Variants in KCTD3 observed in about 807,000 individuals in gnomAD.
KCTD3 encodes potassium channel tetramerization domain containing 3.
Under a neutral mutation model 85.8 loss-of-function variants are expected in KCTD3, and 41 were observed. The ratio of observed to expected loss-of-function variants is 0.48; its 90% CI spans 0.37 to 0.62. The LOEUF (loss-of-function observed/expected upper bound fraction) is 0.62. Ranked by LOEUF, KCTD3 falls within the 20% of genes least tolerant of loss-of-function variation. KCTD3 has a pLI of 0.00. For missense variants in KCTD3, 724 were observed against 989.9 expected (o/e 0.73, Z 3.60); for synonymous variants, 338 against 345.4 (o/e 0.98, Z 0.24).
intron 10 of KCTD3, among the ~76,000 whole-genome samples, chr1:215,597,607 G>A (rs185314141): frequency 6.6e-6 from 1 of 152,270 alleles, no homozygotes; most frequent in African/African-American, 2.4e-5. Flanking sequence ...TGATAGCCTA[G>A]CCTCTAAATA....
chr1:215,589,307 C>T (rs1021103297), intron 9 of KCTD3, among the ~76,000 whole-genome samples: 1 of 151,968 alleles, frequency 6.6e-6, no homozygotes, highest in Non-Finnish European at 1.5e-5. Context: ...CCACGCCTGG[C>T]TATTATTTTT....
In KCTD3 at chr1:215,621,613, G is replaced by A. The variant is rs1270566262; in HGVS notation, c.*995G>A. ...TTCATTTAATTGGAATGATCTTCAG[G>A]TTTCTACAAATAGGGTAATTGTAAA... On this transcript the variant is annotated 3_prime_UTR_variant, in exon 18 of 18. Coordinates refer to ENST00000259154, the MANE Select transcript of KCTD3 (RefSeq NM_016121.5). The A allele has an allele frequency of 6.6e-6, 1 of 152,286 alleles. No individual in the cohort carries two copies. Among genetic ancestry groups the A allele is most frequent in the Non-Finnish European group, 1.5e-5 (1 of 67,936 alleles). 9.4% of individuals were successfully genotyped at this position (152,286 alleles called of 1,614,324 possible). A position where few individuals can be genotyped will look rare whatever the true frequency, so the allele number is the denominator to read the frequency against.
At position 215,619,021 on chromosome 1, in the gene KCTD3, G is replaced by A; in HGVS notation, c.1698G>A (p.Met566Ile). 6.2e-7 allele frequency: 1 copy of A among 1,613,910 alleles called. No individual in the cohort carries two copies. Among genetic ancestry groups the A allele is most frequent in the Non-Finnish European group, 8.5e-7 (1 of 1,179,926 alleles). ...FTGHTNGSIQ[M>I]WDLTTAMDMV... is the part of the protein sequence containing the mutation. ...GCCATACAAATGGCAGTATTCAAAT[G>A]TGGGATCTGACCACTGCTATGGATA... The change falls in exon 16 of 18, where the codon ATG becomes ATA. Residue 566 changes from methionine (M) to isoleucine (I), a missense_variant. Coordinates refer to ENST00000259154, the MANE Select transcript of KCTD3 (RefSeq NM_016121.5).
intron 3 of KCTD3, among the ~76,000 whole-genome samples, chr1:215,574,684 A>G (rs1659504488): frequency 6.6e-6 from 1 of 152,144 alleles, no homozygotes. Context: ...TCCATGTGAA[A>G]TTATAAAAAG....
At chr1:215,571,750 C>T (rs1380935049) in intron 1 of KCTD3, among the ~76,000 whole-genome samples, 2 of 151,978 alleles carry the variant, frequency 1.3e-5, no homozygotes, top group Non-Finnish European at 2.9e-5. Context: ...CCTGCCTCAG[C>T]CTCCTGAGTA....
At chr1:215,580,871 A>G (rs1360237647) in intron 8 of KCTD3, 1 of 359,732 alleles carries the variant, frequency 2.8e-6, no homozygotes, top group East Asian at 1.0e-4. Context: ...ATCTGAATTT[A>G]TGAAAGGTTT....
intron 13 of KCTD3, among the ~76,000 whole-genome samples, chr1:215,606,683 T>C (rs1156235075): frequency 6.6e-6 from 1 of 152,068 alleles, no homozygotes; most frequent in East Asian, 1.9e-4. Flanking sequence ...CATGTAGGTT[T>C]GAAACTTTTG....
chr1:215,615,875 T>C (rs1655424558), intron 15 of KCTD3, among the ~76,000 whole-genome samples: 1 of 152,170 alleles, frequency 6.6e-6, no homozygotes, highest in Non-Finnish European at 1.5e-5. Flanking sequence ...GAACTGTGAC[T>C]GGACAAAAAG....
At chr1:215,596,394 T>C (rs538638763) in intron 10 of KCTD3, among the ~76,000 whole-genome samples, 2 of 152,248 alleles carry the variant, frequency 1.3e-5, no homozygotes, top group African/African-American at 4.8e-5. Context: ...GTGAGAAATA[T>C]TTGGAGTCCA....
rs1471614674 is a variant in KCTD3 at position 215,602,105 on chromosome 1, C to A, written c.1042C>A (p.Arg348=). 6.2e-7 allele frequency: 1 copy of A among 1,603,266 alleles called. No homozygotes were observed. Among genetic ancestry groups the A allele is most frequent in the Non-Finnish European group, 8.5e-7 (1 of 1,172,154 alleles). The change falls in exon 12 of 18, where the codon CGA becomes AGA. Residue 348 remains arginine (R), a synonymous_variant. Coordinates refer to ENST00000259154, the MANE Select transcript of KCTD3 (RefSeq NM_016121.5). ...TTTAGATATGCAGAAGTTCCCCTTG[C>A]GAATGAAAGATAATGATCTTCTTGT... is the stretch of plus-strand genomic sequence containing the variant. ...YYIDMQKFPL[R]MKDNDLLVTE...
At chr1:215,617,161 C>G in intron 15 of KCTD3, among the ~76,000 whole-genome samples, 1 of 152,202 alleles carries the variant, frequency 6.6e-6, no homozygotes, top group Non-Finnish European at 1.5e-5. Context: ...ATGCTCCTTC[C>G]CACACACCTT....
chr1:215,586,467 A>C, intron 8 of KCTD3, 28 bp from the exon 9 acceptor site: 1 of 1,582,252 alleles, frequency 6.3e-7, no homozygotes, highest in South Asian at 1.2e-5. Flanking sequence ...TGCTGAGTCT[A>C]CCTTATGTGC....
intron 10 of KCTD3, among the ~76,000 whole-genome samples, chr1:215,599,892 GAAAAA>G (rs200797797): frequency 1.2e-5 from 1 of 85,142 alleles, no homozygotes; most frequent in Admixed American, 1.3e-4. Flanking sequence ...CTCTTTCATT[GAAAAA>G]AAAAAAAAAA....
At chr1:215,581,887 C>A (rs1296939997) in intron 8 of KCTD3, among the ~76,000 whole-genome samples, 1 of 152,034 alleles carries the variant, frequency 6.6e-6, no homozygotes, top group Non-Finnish European at 1.5e-5. Context: ...GTTATTTTTC[C>A]TCAAGTTTTT....
chr1:215,579,178 TG>T (rs759779046), intron 7 of KCTD3, 41 bp downstream of exon 7: 3 of 1,541,550 alleles, frequency 1.9e-6, no homozygotes, highest in East Asian at 2.3e-5. Context: ...AAAATACGTA[TG>T]TTTTTAGTGC....
intron 12 of KCTD3, among the ~76,000 whole-genome samples, chr1:215,603,328 G>T (rs1225240017): frequency 2.6e-5 from 4 of 151,942 alleles, no homozygotes; most frequent in African/African-American, 9.7e-5. Context: ...ATTTTCAGAT[G>T]AATCAGTTAG....
chr1:215,612,333 CT>C (rs1655264443), intron 15 of KCTD3, among the ~76,000 whole-genome samples: 1 of 152,100 alleles, frequency 6.6e-6, no homozygotes, highest in African/African-American at 2.4e-5. Context: ...TCAGTATCCC[CT>C]TTTAAAATAA....
At chr1:215,573,878 T>A in intron 2 of KCTD3, 39 bp downstream of exon 2, 1 of 1,238,548 alleles carries the variant, frequency 8.1e-7, no homozygotes, top group Non-Finnish European at 1.1e-6. Flanking sequence ...TTTAATACAT[T>A]TATTTACCAA....
intron 1 of KCTD3, among the ~76,000 whole-genome samples, chr1:215,570,403 A>G (rs1019325290): frequency 6.6e-6 from 1 of 152,182 alleles, no homozygotes; most frequent in Non-Finnish European, 1.5e-5. Context: ...AATGAAGTGA[A>G]TTCACTATGA....
Sources: gnomAD v4.1 joint callset for allele counts (sites outside exome capture counted in the v4.1 genomes callset) on GRCh38, gnomAD v4.1.1 for gene constraint, MANE v1.5 for transcripts, NCBI Gene and HGNC (gene_info 2026-07-23, HGNC 2026-07-21) for gene names.